LRRC27: variants seen among roughly 807,000 people sequenced by gnomAD.
LRRC27 encodes the protein leucine-rich repeat-containing protein 27.
Under a neutral mutation model 55.0 loss-of-function variants are expected in LRRC27, and 57 were observed. The observed-to-expected ratio is 1.04, with a 90% confidence interval of 0.84 to 1.29. The LOEUF (loss-of-function observed/expected upper bound fraction) is 1.29. LRRC27 is among the 50% of genes most tolerant of loss of function. The pLI, the probability that LRRC27 is intolerant of heterozygous loss-of-function variation, is 0.00. For missense variants in LRRC27, 721 were observed against 651.5 expected, an observed-to-expected ratio of 1.11 and a Z score of -1.16; for synonymous variants, 278 against 251.9, an observed-to-expected ratio of 1.10 and a Z score of -0.98.
At chr10:132,371,957 C>T (rs1005916134) in intron 10 of LRRC27, among the ~76,000 whole-genome samples, 7 of 152,246 alleles carry the variant, frequency 4.6e-5, no homozygotes, top group Admixed American at 2.6e-4. Context: ...TGTCCTCGCA[C>T]ATATGGAGGC....
rs143630577 is a variant in LRRC27, at chr10:132,351,752, C to T, written c.1072C>T (p.Arg358Ter). The change falls in exon 7 of 11, where the codon CGA becomes TGA. Residue 358 changes from arginine (R) to a stop codon, truncating the protein, a stop_gained and splice_region_variant. Coordinates refer to ENST00000368614, the MANE Select transcript of LRRC27 (RefSeq NM_030626.3). LOFTEE classifies it high-confidence loss of function. ...EKQALMEQQR[R>*]EKRALQEWRE... is the part of the protein sequence containing the mutation. ...GCAGGCTCTGATGGAGCAGCAGAGA[C>T]GGTGAGTCCACACAGGGTGGGGGTC... 4.7e-5 allele frequency: 75 copies of T among 1,611,118 alleles called. No individual in the cohort carries two copies. Among genetic ancestry groups the T allele is most frequent in the South Asian group, 1.9e-4 (17 of 90,962 alleles).
At position 132,347,985 on chromosome 10, in the gene LRRC27, G is replaced by A. The variant is rs779898311; in HGVS notation, c.555G>A (p.Glu185=). The change falls in exon 6 of 11, where the codon GAG becomes GAA. Residue 185 remains glutamate, a splice_region_variant and synonymous_variant. Transcript: ENST00000368614. The stretch of plus-strand genomic sequence containing the variant: ...TAAAGCGGTTTCTTACTCTCCCAGA[G>A]GCTCCACCGGTTAGAGAGATGACCC... The part of the protein sequence containing the change: ...HSLPRNPTSQ[E]APPVREMTLR... The A allele has an allele frequency of 5.0e-6, 8 of 1,597,980 alleles. No homozygotes were observed. The highest frequency in any genetic ancestry group is 6.8e-6 in the Non-Finnish European group (8 of 1,173,128).
At chr10:132,364,039 C>T (rs2068780148) in intron 9 of LRRC27, among the ~76,000 whole-genome samples, 1 of 151,994 alleles carries the variant, frequency 6.6e-6, no homozygotes, top group Admixed American at 6.5e-5. Context: ...CTTTAAAAAG[C>T]CCACAGCAGA....
chr10:132,330,208 T>A (rs1177879115), upstream of LRRC27: 9 of 524,674 alleles, frequency 1.7e-5, no homozygotes, highest in Admixed American at 3.1e-5. Context: ...AATTAACTAC[T>A]GACTACAAAA....
intron 2 of LRRC27, among the ~76,000 whole-genome samples, chr10:132,336,340 C>A (rs1020609500): frequency 1.3e-5 from 2 of 152,212 alleles, no homozygotes; most frequent in African/African-American, 4.8e-5. Flanking sequence ...TGGGGGCACA[C>A]ACTGTGACCT....
chr10:132,347,933 C>A, intron 5 of LRRC27, 51 bp from the exon 6 acceptor site: 1 of 1,534,238 alleles, frequency 6.5e-7, no homozygotes, highest in Non-Finnish European at 8.7e-7. Flanking sequence ...GAATAAGTCA[C>A]AGAGGGATGG....
chr10:132,332,027 C>T (rs1221293587), upstream of LRRC27: 2 of 374,184 alleles, frequency 5.3e-6, no homozygotes, highest in Non-Finnish European at 9.5e-6. Context: ...GCACCCACAC[C>T]CCGCCCCCGC....
intron 2 of LRRC27, 68 bp from the exon 3 acceptor site, chr10:132,337,497 T>C: frequency 1.3e-6 from 2 of 1,585,250 alleles, no homozygotes; most frequent in Non-Finnish European, 1.7e-6. Context: ...GAAATAGATT[T>C]TGGATATATC....
Position 132,348,275 on chromosome 10 carries a change from T to A in LRRC27, c.845T>A (p.Leu282His). 5.6e-6 allele frequency: 9 copies of A among 1,614,004 alleles called. No homozygotes were observed. The highest frequency in any genetic ancestry group is 7.6e-6 in the Non-Finnish European group (9 of 1,180,030). ...AAGGCAGACGTTCTGGGAGATCAGC[T>A]CTTGACGAGGGAATTACCTCCAAAT... Reference protein sequence around the residue: ...HVKADVLGDQLLTRELPPNLK... With the variant: ...HVKADVLGDQHLTRELPPNLK... Residue 282 changes from leucine to histidine, a missense_variant, in exon 6 of 11, where the codon CTC (leucine) becomes CAC (histidine). Coordinates refer to ENST00000368614, the MANE Select transcript of LRRC27 (RefSeq NM_030626.3). This position sits in a 1 kb window ranked among gnomAD's most constrained non-coding sequence, Gnocchi z 4.2.
At chr10:132,332,028 C>T, upstream of LRRC27, 2 of 372,278 alleles carry the variant, frequency 5.4e-6, no homozygotes, top group South Asian at 1.3e-4. Flanking sequence ...CACCCACACC[C>T]CGCCCCCGCA....
At chr10:132,343,218 G>A (rs1225997180) in intron 4 of LRRC27, among the ~76,000 whole-genome samples, 1 of 148,668 alleles carries the variant, frequency 6.7e-6, no homozygotes, top group African/African-American at 2.6e-5. Context: ...AGGAGGCTGA[G>A]GCAGGAGGCT....
Position 132,374,338 on chromosome 10 carries a change from G to A in LRRC27, c.1417-728G>A, listed in dbSNP as rs537377431. 2.1e-4 allele frequency among the ~76,000 whole-genome samples: 32 copies of A among 152,250 alleles called. No homozygotes were observed. Among genetic ancestry groups the A allele is most frequent in the African/African-American group, 7.0e-4 (29 of 41,558 alleles). On this transcript the variant is annotated intron_variant, in intron 10 of 10. Coordinates refer to ENST00000368614, the MANE Select transcript of LRRC27 (RefSeq NM_030626.3). This position sits in a 1 kb window ranked among gnomAD's most constrained non-coding sequence, Gnocchi z 4.4. ...CAAGCCGGGGAGGGAGACGGGAGCC[G>A]GGTGGCCCAGGGCTCCTGTGCTTGG...
chr10:132,331,511 T>C, upstream of LRRC27: 1 of 1,612,926 alleles, frequency 6.2e-7, no homozygotes, highest in African/African-American at 1.3e-5. Context: ...TGAGTCTGCG[T>C]TCCCCTGGCA....
At chr10:132,363,414 C>G (rs546634021) in intron 9 of LRRC27, among the ~76,000 whole-genome samples, 1 of 152,192 alleles carries the variant, frequency 6.6e-6, no homozygotes, top group Non-Finnish European at 1.5e-5. Flanking sequence ...TCCTCTGAGC[C>G]GTGTATAAGG....
chr10:132,365,588 T>C, intron 10 of LRRC27, 38 bp downstream of exon 10: 1 of 1,600,554 alleles, frequency 6.2e-7, no homozygotes, highest in East Asian at 2.2e-5. Context: ...AAGTGTGGGG[T>C]GTTTTTTGTT....
intron 10 of LRRC27, 77 bp downstream of exon 10, chr10:132,365,627 A>G: frequency 6.6e-7 from 1 of 1,525,656 alleles, no homozygotes; most frequent in South Asian, 1.2e-5. Flanking sequence ...TTTGAGACAG[A>G]GTCTTGTTCT....
At chr10:132,331,559 T>C (rs1255848338), upstream of LRRC27, 2 of 1,612,908 alleles carry the variant, frequency 1.2e-6, no homozygotes, top group Non-Finnish European at 8.5e-7. Flanking sequence ...AAGCAGCTCC[T>C]GTGGGAAGTG....
intron 7 of LRRC27, among the ~76,000 whole-genome samples, chr10:132,354,109 C>T (rs1416390340): frequency 2.0e-5 from 3 of 152,270 alleles, no homozygotes; most frequent in East Asian, 1.9e-4. Flanking sequence ...ACAGCCCCTG[C>T]CCCAGGCTCT....
In LRRC27 at chr10:132,375,821, G is replaced by A. The variant is rs1205481529; in HGVS notation, c.*579G>A. ...TCCTTTCAGCCTTGACCCCTTCCTG[G>A]TTGCTACCACTCAGGCTGCCACTCA... On this transcript the variant is annotated 3_prime_UTR_variant, in exon 11 of 11. Transcript: ENST00000368614. 6.6e-6 allele frequency: 1 copy of A among 152,314 alleles called. No homozygotes were observed. Among genetic ancestry groups the A allele is most frequent in the African/African-American group, 2.4e-5 (1 of 41,388 alleles). 9.4% of individuals were successfully genotyped at this position (152,314 alleles called of 1,614,324 possible). A position where few individuals can be genotyped will look rare whatever the true frequency, so the allele number is the denominator to read the frequency against.
Sources: gnomAD v4.1 joint callset for allele counts (sites outside exome capture counted in the v4.1 genomes callset) on GRCh38, gnomAD v4.1.1 for gene constraint, Gnocchi (gnomAD v3.1) non-coding constraint, MANE v1.5 for transcripts, NCBI Gene and HGNC (gene_info 2026-07-23, HGNC 2026-07-21) for gene names.